Variants in CDH18 observed in about 807,000 individuals in gnomAD.
The protein encoded by CDH18 is cadherin 18, also known as cadherin-18.
A neutral mutation model predicts 67.9 loss-of-function variants in CDH18; 31 were observed. The ratio of observed to expected loss-of-function variants is 0.46; its 90% confidence interval spans 0.34 to 0.62. The LOEUF is 0.62. Among genes scored for constraint, CDH18 ranks in the 20% least tolerant of loss-of-function variants. The pLI, the probability that CDH18 is intolerant of heterozygous loss-of-function variation, is 0.01. For synonymous variants in CDH18, 362 were observed against 347.2 expected, an observed-to-expected ratio of 1.04 and a Z score of -0.48; for missense variants, 890 against 975.5, an observed-to-expected ratio of 0.91 and a Z score of 1.17.
At chr5:19,565,479 G>C (rs985202342) in intron 8 of CDH18, among the ~76,000 whole-genome samples, 1 of 152,322 alleles carries the variant, frequency 6.6e-6, no homozygotes, top group Non-Finnish European at 1.5e-5. Flanking sequence ...CAGAGTCACA[G>C]CATTACTGGG....
chr5:20,482,395 A>G (rs1483380917), intron 1 of CDH18, among the ~76,000 whole-genome samples: 3 of 152,134 alleles, frequency 2.0e-5, no homozygotes, highest in Non-Finnish European at 4.4e-5. Context: ...ACTATTACAA[A>G]AAGTAGGAAA....
chr5:19,606,032 G>T (rs531058194), intron 6 of CDH18, among the ~76,000 whole-genome samples: 8 of 152,276 alleles, frequency 5.3e-5, no homozygotes, highest in African/African-American at 1.9e-4. Context: ...GATTTCAGCA[G>T]CCATGAGTTA....
At chr5:19,755,162 T>C (rs1367953556) in intron 3 of CDH18, among the ~76,000 whole-genome samples, 1 of 146,270 alleles carries the variant, frequency 6.8e-6, no homozygotes, top group East Asian at 2.0e-4. Context: ...ACCAAGATCA[T>C]AGCAGAACTA....
chr5:19,840,751 A>C (rs1030256514), intron 2 of CDH18, among the ~76,000 whole-genome samples: 4 of 152,146 alleles, frequency 2.6e-5, no homozygotes, highest in African/African-American at 9.7e-5. Context: ...AAGCTTATTT[A>C]AAGAATATAA....
intron 2 of CDH18, among the ~76,000 whole-genome samples, chr5:19,841,078 A>T (rs559530784): frequency 1.1e-3 from 174 of 152,294 alleles, no homozygotes; most frequent in Non-Finnish European, 2.0e-3. Flanking sequence ...CATTAGATTC[A>T]AGAGCACGGC....
At chr5:19,947,735 C>T (rs950251383) in intron 2 of CDH18, among the ~76,000 whole-genome samples, 4 of 151,530 alleles carry the variant, frequency 2.6e-5, no homozygotes, top group Admixed American at 1.3e-4. Flanking sequence ...TGCACTCTAG[C>T]CTGGGTGACA....
intron 3 of CDH18, among the ~76,000 whole-genome samples, chr5:19,811,684 T>C (rs896976729): frequency 6.6e-5 from 10 of 152,086 alleles, no homozygotes; most frequent in South Asian, 4.1e-4. Context: ...AGGGACATAG[T>C]GGTAATCCTG....
At chr5:20,164,338 G>A (rs1448353690) in intron 2 of CDH18, among the ~76,000 whole-genome samples, 4 of 152,080 alleles carry the variant, frequency 2.6e-5, no homozygotes, top group Non-Finnish European at 5.9e-5. Flanking sequence ...CCAGGCTGTA[G>A]TGCAGTGGTG....
At chr5:19,482,337 C>T (rs981338710) in intron 12 of CDH18, among the ~76,000 whole-genome samples, 110 of 152,074 alleles carry the variant, frequency 7.2e-4, no homozygotes, top group African/African-American at 2.6e-3. Context: ...AGGATAGTCT[C>T]GATCTCCTGA....
chr5:19,596,154 T>C (rs1320870149), intron 6 of CDH18, among the ~76,000 whole-genome samples: 1 of 152,196 alleles, frequency 6.6e-6, no homozygotes, highest in African/African-American at 2.4e-5. Flanking sequence ...TCATCTCTCT[T>C]TGGTGGCACA....
chr5:19,682,636 T>G (rs958485731), intron 5 of CDH18, among the ~76,000 whole-genome samples: 2 of 152,108 alleles, frequency 1.3e-5, no homozygotes, highest in Non-Finnish European at 2.9e-5. Flanking sequence ...TTTCACTCTT[T>G]GTGAGTTACT....
At chr5:20,005,312 C>A (rs1736796936) in intron 2 of CDH18, among the ~76,000 whole-genome samples, 1 of 151,732 alleles carries the variant, frequency 6.6e-6, no homozygotes. Flanking sequence ...CATAACTTGC[C>A]ATATTATCCA....
At chr5:20,060,345 T>C (rs1742357575) in intron 2 of CDH18, among the ~76,000 whole-genome samples, 1 of 151,830 alleles carries the variant, frequency 6.6e-6, no homozygotes, top group South Asian at 2.1e-4. Flanking sequence ...CATGTGTGTA[T>C]ACCAGCTACT....
chr5:20,197,126 C>T (rs1739044572), intron 2 of CDH18, among the ~76,000 whole-genome samples: 1 of 152,120 alleles, frequency 6.6e-6, no homozygotes, highest in African/African-American at 2.4e-5. Flanking sequence ...ATTCTTCTGC[C>T]TCAGCCACCC....
At chr5:19,834,875 A>G (rs1781448678) in intron 3 of CDH18, among the ~76,000 whole-genome samples, 1 of 152,012 alleles carries the variant, frequency 6.6e-6, no homozygotes, top group African/African-American at 2.4e-5. Context: ...ATTGCAGTAG[A>G]TGCTGGCAAG....
chr5:19,704,267 T>C (rs1446760248), intron 5 of CDH18, among the ~76,000 whole-genome samples: 2 of 152,206 alleles, frequency 1.3e-5, no homozygotes, highest in East Asian at 1.9e-4. Context: ...GCTGTCCACA[T>C]GGCCAGTTTA....
intron 1 of CDH18, among the ~76,000 whole-genome samples, chr5:20,256,421 C>A (rs1561916860): frequency 6.6e-6 from 1 of 151,986 alleles, no homozygotes; most frequent in African/African-American, 2.4e-5. Flanking sequence ...AAAAATTACA[C>A]TTACAGAGGT....
At chr5:20,175,288 A>G (rs1425228535) in intron 2 of CDH18, among the ~76,000 whole-genome samples, 1 of 152,114 alleles carries the variant, frequency 6.6e-6, no homozygotes, top group African/African-American at 2.4e-5. Context: ...TAAAAACCCC[A>G]TACTCACCAG....
At chr5:19,602,646 G>A (rs531328183) in intron 6 of CDH18, among the ~76,000 whole-genome samples, 2 of 152,242 alleles carry the variant, frequency 1.3e-5, no homozygotes, top group Admixed American at 6.5e-5. Context: ...AGCCATTGTG[G>A]AGAACAGTAT....
Sources: allele counts gnomAD v4.1 joint callset (sites outside exome capture counted in the v4.1 genomes callset), GRCh38; gene constraint gnomAD v4.1.1; transcripts MANE v1.5; gene names NCBI Gene and HGNC (gene_info 2026-07-23, HGNC 2026-07-21).